Variants in TENT2 observed in about 807,000 individuals in gnomAD.
The protein encoded by TENT2 is poly(A) RNA polymerase GLD2.
In TENT2, 44 loss-of-function variants were observed where a neutral mutation model predicts 72.2. The ratio of observed to expected loss-of-function variants is 0.61; its 90% confidence interval spans 0.48 to 0.78. The LOEUF is 0.78. Among genes scored for constraint, TENT2 ranks in the 30% least tolerant of loss-of-function variants. The pLI, the probability that TENT2 is intolerant of heterozygous loss-of-function variation, is 0.00. For missense variants in TENT2, 541 were observed against 569.6 expected (o/e 0.95, Z 0.51); for synonymous variants, 212 against 192.5 (o/e 1.10, Z -0.84).
intron 12 of TENT2, among the ~76,000 whole-genome samples, chr5:79,674,910 C>T (rs1359351642): frequency 6.6e-6 from 1 of 152,020 alleles, no homozygotes; most frequent in Non-Finnish European, 1.5e-5. Context: ...GAGTGATTAT[C>T]TGTGTCATTA....
rs191910201 is a variant in TENT2 at position 79,634,692 on chromosome 5, T to G, written c.466-6159T>G. Reference sequence around the variant, plus strand: ...ACGTATAAGTAAATTTTTTGTGTAGTGAGAAATAGACTAATTAATTTTATA... The same window carrying G: ...ACGTATAAGTAAATTTTTTGTGTAGGGAGAAATAGACTAATTAATTTTATA... On this transcript the variant is annotated intron_variant, in intron 4 of 14. Transcript: ENST00000453514. Among the ~76,000 whole-genome samples the G allele has an allele frequency of 9.3e-3, 1,409 of 152,268 alleles. 7 individuals are homozygous for G. Among genetic ancestry groups the G allele is most frequent in the Non-Finnish European group, 0.016 (1,105 of 68,016 alleles).
At chr5:79,632,799 C>T (rs1162369501) in intron 4 of TENT2, among the ~76,000 whole-genome samples, 1 of 152,084 alleles carries the variant, frequency 6.6e-6, no homozygotes, top group Non-Finnish European at 1.5e-5. Context: ...ATTCAAAAAC[C>T]ACTGAGATAT....
intron 12 of TENT2, among the ~76,000 whole-genome samples, chr5:79,670,687 T>C (rs1007674915): frequency 6.6e-6 from 1 of 151,556 alleles, no homozygotes; most frequent in Non-Finnish European, 1.5e-5. Flanking sequence ...AGTACATAAA[T>C]AGACTGTGAA....
chr5:79,630,620 A>T (rs1462244638), intron 4 of TENT2, among the ~76,000 whole-genome samples: 1 of 152,090 alleles, frequency 6.6e-6, no homozygotes, highest in African/African-American at 2.4e-5. Flanking sequence ...GAGAGGAAAT[A>T]GCATGTTTGA....
chr5:79,647,207 A>G (rs1401663924), intron 8 of TENT2, among the ~76,000 whole-genome samples: 1 of 152,144 alleles, frequency 6.6e-6, no homozygotes. Context: ...ATTCTCCTGT[A>G]TTTGAACATT....
intron 12 of TENT2, among the ~76,000 whole-genome samples, chr5:79,673,429 T>C (rs1814599732): frequency 6.6e-6 from 1 of 152,206 alleles, no homozygotes; most frequent in African/African-American, 2.4e-5. Context: ...ATTTGAGGTC[T>C]TAGATTGAAT....
intron 10 of TENT2, among the ~76,000 whole-genome samples, chr5:79,654,807 C>T (rs61064667): frequency 0.44 from 67,093 of 151,880 alleles, 17,910 homozygotes; most frequent in African/African-American, 0.75. Context: ...TGTTCTTGCG[C>T]TTTCAAAATT....
chr5:79,687,968 G>A lies in TENT2; in HGVS notation c.*2695G>A, dbSNP rs1247600353. The stretch of plus-strand genomic sequence containing the variant: ...ATGAGCATGGTCATTTGGGATTACT[G>A]ATGGTGAAGTCTAGCTGGTGTTAAG... On this transcript the variant is annotated 3_prime_UTR_variant, in exon 15 of 15. Coordinates refer to ENST00000453514, the MANE Select transcript of TENT2 (RefSeq NM_001114394.3). Among the ~76,000 whole-genome samples, 1 of 151,280 alleles carries A rather than the reference G, an allele frequency of 6.6e-6. No homozygotes were observed. The highest frequency in any genetic ancestry group is 6.6e-5 in the Admixed American group (1 of 15,096).
intron 11 of TENT2, among the ~76,000 whole-genome samples, chr5:79,660,719 G>T (rs999187454): frequency 6.6e-6 from 1 of 152,114 alleles, no homozygotes; most frequent in African/African-American, 2.4e-5. Flanking sequence ...GGTTTTTGCT[G>T]TACTATACTT....
At chr5:79,630,977 AGTT>A (rs1421179636) in intron 4 of TENT2, among the ~76,000 whole-genome samples, 6 of 152,162 alleles carry the variant, frequency 3.9e-5, no homozygotes, top group African/African-American at 1.4e-4. Flanking sequence ...AAATGCTAGT[AGTT>A]AAGATGAAGA....
chr5:79,636,898 G>A (rs1243082435), intron 4 of TENT2, among the ~76,000 whole-genome samples: 1 of 152,116 alleles, frequency 6.6e-6, no homozygotes, highest in Non-Finnish European at 1.5e-5. Context: ...TTGATAGTAT[G>A]TATGCTTTAA....
In TENT2 at chr5:79,623,294, G is replaced by A. The variant is rs750883194; in HGVS notation, c.270G>A (p.Arg90=). The change falls in exon 4 of 15, where the codon CGG becomes CGA. Residue 90 remains arginine (R), a synonymous_variant. Transcript: ENST00000453514. ...AAAACCTTCCTCTTGACGGTAAACGGCAACGTTTCCATTCACCCCACCAAG... is the reference window on the plus strand; with the variant it reads ...AAAACCTTCCTCTTGACGGTAAACGACAACGTTTCCATTCACCCCACCAAG... ...DEKNLPLDGK[R]QRFHSPHQEP... The A allele has an allele frequency of 6.9e-5, 111 of 1,612,640 alleles. No individual in the cohort carries two copies. The highest frequency in any genetic ancestry group is 9.0e-5 in the Non-Finnish European group (106 of 1,179,382).
chr5:79,669,124 G>A, intron 12 of TENT2, 96 bp downstream of exon 12: 1 of 1,397,678 alleles, frequency 7.2e-7, no homozygotes, highest in Non-Finnish European at 9.6e-7. Context: ...AAATGCTACA[G>A]ATTTAGTCAG....
chr5:79,659,556 G>GTATATGTATA (rs1554086833), intron 11 of TENT2, among the ~76,000 whole-genome samples: 29 of 34,268 alleles, frequency 8.5e-4, no homozygotes, highest in African/African-American at 3.4e-3. Flanking sequence ...AAAAAAAAAT[G>GTATATGTATA]TATATATATA....
At chr5:79,622,737 A>C (rs149461275) in intron 3 of TENT2, among the ~76,000 whole-genome samples, 1 of 152,142 alleles carries the variant, frequency 6.6e-6, no homozygotes, top group Non-Finnish European at 1.5e-5. Context: ...ATAAAATACT[A>C]TTATCTGAGT....
intron 8 of TENT2, among the ~76,000 whole-genome samples, chr5:79,645,882 T>C (rs1426320818): frequency 6.6e-6 from 1 of 152,164 alleles, no homozygotes; most frequent in Non-Finnish European, 1.5e-5. Flanking sequence ...TTATCATTCA[T>C]AGTTTGTGTT....
At chr5:79,629,523 C>G (rs1424881106) in intron 4 of TENT2, among the ~76,000 whole-genome samples, 2 of 152,076 alleles carry the variant, frequency 1.3e-5, no homozygotes, top group African/African-American at 4.8e-5. Flanking sequence ...AGAGGGGGAG[C>G]CATTAAAAAA....
At chr5:79,654,500 A>G (rs1796496990) in intron 10 of TENT2, among the ~76,000 whole-genome samples, 1 of 152,146 alleles carries the variant, frequency 6.6e-6, no homozygotes, top group South Asian at 2.1e-4. Flanking sequence ...ATGAATATTC[A>G]TGGAATGTTT....
intron 12 of TENT2, among the ~76,000 whole-genome samples, chr5:79,674,377 G>A (rs1215412934): frequency 1.3e-5 from 2 of 152,184 alleles, no homozygotes; most frequent in Non-Finnish European, 2.9e-5. Context: ...ACTCCAGCCT[G>A]GGCGACAGGG....
Sources: allele counts gnomAD v4.1 joint callset (sites outside exome capture counted in the v4.1 genomes callset), GRCh38; gene constraint gnomAD v4.1.1; transcripts MANE v1.5; gene names NCBI Gene and HGNC (gene_info 2026-07-23, HGNC 2026-07-21).